MINAR2: variants seen among roughly 807,000 people sequenced by gnomAD.
The protein encoded by MINAR2 is membrane integral NOTCH2 associated receptor 2, also known as major intrinsically disordered NOTCH2-binding receptor 1-like.
A neutral mutation model predicts 16.1 loss-of-function variants in MINAR2; 21 were observed. That is an observed-to-expected ratio of 1.31 (90% CI 0.93 to 1.88). The LOEUF (loss-of-function observed/expected upper bound fraction) is 1.88, where lower values mean the gene tolerates loss of function less well. Among genes scored for constraint, MINAR2 ranks in the 40% most tolerant of loss-of-function variants. The probability of loss-of-function intolerance (pLI) is 0.00; values close to 1 mark genes in which losing one functional copy is unlikely to be tolerated. For missense variants in MINAR2, 259 were observed against 229.8 expected (o/e 1.13, Z -0.82); for synonymous variants, 86 against 83.0 (o/e 1.04, Z -0.20).
chr5:129,753,623 C>T (rs1758015113), intron 1 of MINAR2, among the ~76,000 whole-genome samples: 1 of 150,130 alleles, frequency 6.7e-6, no homozygotes, highest in Non-Finnish European at 1.5e-5. Context: ...CTTGCTGGCG[C>T]GCACCTGTAA....
At chr5:129,752,859 C>T (rs1345470808) in intron 1 of MINAR2, among the ~76,000 whole-genome samples, 1 of 151,636 alleles carries the variant, frequency 6.6e-6, no homozygotes, top group African/African-American at 2.4e-5. Flanking sequence ...AGACTAACTC[C>T]TTTGTTATAT....
intron 2 of MINAR2, among the ~76,000 whole-genome samples, chr5:129,760,939 G>A (rs1313795308): frequency 6.6e-6 from 1 of 152,146 alleles, no homozygotes; most frequent in Non-Finnish European, 1.5e-5. Flanking sequence ...AAACATTTAT[G>A]TTCATGAACA....
At position 129,764,941 on chromosome 5, in the gene MINAR2, A is replaced by G; in HGVS notation, c.451A>G (p.Thr151Ala). 7.1e-7 allele frequency: 1 copy of G among 1,403,356 alleles called. No individual in the cohort carries two copies. Among genetic ancestry groups the G allele is most frequent in the Non-Finnish European group, 9.3e-7 (1 of 1,079,862 alleles). The allele number at this position is 1,403,356 out of a possible 1,614,324, so 86.9% of individuals were successfully genotyped here. ...AGACATGTACACTCCAGGTTTTGACACTTTATTGAAAAAGGAAGAGAAACA... is the reference window on the plus strand; with the variant it reads ...AGACATGTACACTCCAGGTTTTGACGCTTTATTGAAAAAGGAAGAGAAACA... ...LGDMYTPGFDTLLKKEEKQEK... is the reference protein window; with the variant it reads ...LGDMYTPGFDALLKKEEKQEK... Residue 151 changes from threonine (T) to alanine (A), a missense_variant, in exon 3 of 3, where the codon ACT (threonine) becomes GCT (alanine). Thr to Ala is a moderately conservative substitution (Grantham distance 58, BLOSUM62 0). Transcript: ENST00000564719.
chr5:129,764,970 G>T lies in MINAR2; in HGVS notation c.480G>T (p.Glu160Asp). 7.1e-7 allele frequency: 1 copy of T among 1,408,528 alleles called. No homozygotes were observed. Among genetic ancestry groups the T allele is most frequent in the Non-Finnish European group, 9.3e-7 (1 of 1,079,320 alleles). 87.3% of individuals were successfully genotyped at this position (1,408,528 alleles called of 1,614,324 possible). ...TATTGAAAAAGGAAGAGAAACAAGAGAAGCATTCAAAATTCTGTCGTATGG... is the reference window on the plus strand; with the variant it reads ...TATTGAAAAAGGAAGAGAAACAAGATAAGCATTCAAAATTCTGTCGTATGG... Reference protein sequence around the residue: ...DTLLKKEEKQEKHSKFCRMGL... With the variant: ...DTLLKKEEKQDKHSKFCRMGL... The change falls in exon 3 of 3, where the codon GAG becomes GAT. Residue 160 changes from glutamate (E) to aspartate (D), a missense_variant. Glu to Asp is a conservative substitution (Grantham distance 45). Transcript: ENST00000564719.
chr5:129,762,244 C>A (rs910894160), intron 2 of MINAR2, among the ~76,000 whole-genome samples: 5 of 152,046 alleles, frequency 3.3e-5, no homozygotes, highest in African/African-American at 1.2e-4. Flanking sequence ...GCACATGTAA[C>A]CCTGAAGCTA....
intron 1 of MINAR2, among the ~76,000 whole-genome samples, chr5:129,755,161 T>A (rs968106906): frequency 6.6e-6 from 1 of 152,102 alleles, no homozygotes; most frequent in Non-Finnish European, 1.5e-5. Context: ...TATTAAACCA[T>A]CCTGTTGGTA....
chr5:129,758,681 C>T (rs149865600), intron 1 of MINAR2, among the ~76,000 whole-genome samples: 197 of 151,734 alleles, frequency 1.3e-3, no homozygotes, highest in African/African-American at 4.5e-3. Flanking sequence ...TCTGACAAAG[C>T]CAATTTGTCA....
intron 2 of MINAR2, among the ~76,000 whole-genome samples, chr5:129,763,049 G>C (rs935402222): frequency 6.6e-6 from 1 of 152,122 alleles, no homozygotes; most frequent in Non-Finnish European, 1.5e-5. Flanking sequence ...TGGCAATAGG[G>C]AGTAATTTTT....
At chr5:129,764,273 G>A (rs1479312106) in intron 2 of MINAR2, among the ~76,000 whole-genome samples, 1 of 151,952 alleles carries the variant, frequency 6.6e-6, no homozygotes, top group Non-Finnish European at 1.5e-5. Context: ...TTTTTCAGGA[G>A]GTCAAACAAA....
At chr5:129,754,781 C>T (rs1037961383) in intron 1 of MINAR2, among the ~76,000 whole-genome samples, 2 of 152,136 alleles carry the variant, frequency 1.3e-5, no homozygotes, top group African/African-American at 4.8e-5. Context: ...ATAAACATCC[C>T]TGTAGATAAT....
At position 129,748,261 on chromosome 5, in the gene MINAR2, C is replaced by T. The variant is rs1462570190; in HGVS notation, c.71C>T (p.Thr24Met). The T allele has an allele frequency of 3.9e-6, 6 of 1,535,216 alleles. No individual in the cohort carries two copies. The highest frequency in any genetic ancestry group is 1.2e-5 in the South Asian group (1 of 84,044). Residue 24 changes from threonine (T) to methionine (M), a missense_variant, in exon 1 of 3, where the codon ACG becomes ATG. Transcript: ENST00000564719. The part of the protein sequence containing the change: ...KFLQLDVKSL[T>M]RSSALLQASL... Reference sequence around the variant, plus strand: ...CTGCAGCTTGACGTAAAGTCTTTAACGAGGAGCTCAGCCCTCCTTCAGGCC... The same window carrying T: ...CTGCAGCTTGACGTAAAGTCTTTAATGAGGAGCTCAGCCCTCCTTCAGGCC...
Position 129,766,439 on chromosome 5 carries a change from C to A in MINAR2, c.*1376C>A, listed in dbSNP as rs1199167089. ...GATCATGAGGTCAGGAGTTCGAGACCAGCCTGGCCAACATAGTGAAACCCC... is the reference window on the plus strand; with the variant it reads ...GATCATGAGGTCAGGAGTTCGAGACAAGCCTGGCCAACATAGTGAAACCCC... On this transcript the variant is annotated 3_prime_UTR_variant, in exon 3 of 3. Coordinates refer to ENST00000564719, the MANE Select transcript of MINAR2 (RefSeq NM_001257308.2). 1.3e-5 allele frequency: 2 copies of A among 152,126 alleles called. No individual in the cohort carries two copies. Among genetic ancestry groups the A allele is most frequent in the African/African-American group, 4.8e-5 (2 of 41,402 alleles). The allele number at this position is 152,126 out of a possible 1,614,324, so 9.4% of individuals were successfully genotyped here.
At position 129,759,550 on chromosome 5, in the gene MINAR2, A is replaced by T. The variant is rs531255808; in HGVS notation, c.166-828A>T. Reference sequence around the variant, plus strand: ...CCAGACACAGAAAAGCGCACATTATATGATTTTATTTATAGAAAATATGAG... The same window carrying T: ...CCAGACACAGAAAAGCGCACATTATTTGATTTTATTTATAGAAAATATGAG... On this transcript the variant is annotated intron_variant, in intron 1 of 2. Transcript: ENST00000564719. Among the ~76,000 whole-genome samples, 443 of 152,262 alleles carry T rather than the reference A, an allele frequency of 2.9e-3. 2 individuals carry two copies. Among genetic ancestry groups the T allele is most frequent in the African/African-American group, 9.1e-3 (378 of 41,562 alleles).
intron 1 of MINAR2, among the ~76,000 whole-genome samples, chr5:129,758,449 A>G (rs893010105): frequency 5.3e-5 from 8 of 152,204 alleles, no homozygotes; most frequent in African/African-American, 9.6e-5. Context: ...ACTATGCTCT[A>G]TAATAAACCT....
At position 129,756,284 on chromosome 5, in the gene MINAR2, T is replaced by G. The variant is rs570450452; in HGVS notation, c.166-4094T>G. ...TGTTTAATAAAGACATCCATATATG[T>G]CACTTGAACAAACTTTTGATTTTAT... On this transcript the variant is annotated intron_variant, in intron 1 of 2. Coordinates refer to ENST00000564719, the MANE Select transcript of MINAR2 (RefSeq NM_001257308.2). Among the ~76,000 whole-genome samples the G allele has an allele frequency of 5.9e-5, 9 of 152,230 alleles. No homozygotes were observed. The East Asian group carries it at 1.7e-3, about 29-fold the overall frequency.
At chr5:129,751,348 A>G (rs558111172) in intron 1 of MINAR2, among the ~76,000 whole-genome samples, 17 of 152,208 alleles carry the variant, frequency 1.1e-4, no homozygotes, top group Admixed American at 4.6e-4. Flanking sequence ...ATCTGGGATT[A>G]CAGGCACCCG....
At chr5:129,754,531 A>G (rs72792866) in intron 1 of MINAR2, among the ~76,000 whole-genome samples, 22,795 of 152,178 alleles carry the variant, frequency 0.15, 1,808 homozygotes, top group African/African-American at 0.2. Context: ...TCAATCCATG[A>G]CCATGATGTA....
chr5:129,758,901 G>A (rs905858310), intron 1 of MINAR2, among the ~76,000 whole-genome samples: 1 of 151,984 alleles, frequency 6.6e-6, no homozygotes. Flanking sequence ...GCAAACTACA[G>A]TTTTACAGAA....
chr5:129,761,593 GAGA>G (rs1314572984), intron 2 of MINAR2, among the ~76,000 whole-genome samples: 1 of 152,020 alleles, frequency 6.6e-6, no homozygotes, highest in East Asian at 1.9e-4. Flanking sequence ...CCATTTTCCA[GAGA>G]AGTTTACATA....
Sources: gnomAD v4.1 joint callset for allele counts (sites outside exome capture counted in the v4.1 genomes callset) on GRCh38, gnomAD v4.1.1 for gene constraint, MANE v1.5 for transcripts, NCBI Gene and HGNC (gene_info 2026-07-23, HGNC 2026-07-21) for gene names.